Variants in ANGPT2 observed in about 807,000 individuals in gnomAD.
ANGPT2 encodes angiopoietin 2, also known as angiopoietin-2.
ANGPT2 carries 28 observed loss-of-function variants against 62.9 expected under a neutral mutation model. The ratio of observed to expected loss-of-function variants is 0.44; its 90% CI spans 0.33 to 0.61. ANGPT2 has a LOEUF of 0.61. ANGPT2 is among the 20% of genes least tolerant of loss of function. The pLI is 0.03. For synonymous variants in ANGPT2, 284 were observed against 207.8 expected, an observed-to-expected ratio of 1.37 and a Z score of -3.15; for missense variants, 727 against 594.9, an observed-to-expected ratio of 1.22 and a Z score of -2.31.
chr8:6,503,087 GT>G lies in ANGPT2; in HGVS notation c.*13del. The G allele has an allele frequency of 6.2e-7, 1 of 1,614,084 alleles. No individual in the cohort carries two copies. The highest frequency in any genetic ancestry group is 8.5e-7 in the Non-Finnish European group (1 of 1,179,968). On this transcript the variant is annotated 3_prime_UTR_variant, in exon 9 of 9. Coordinates refer to ENST00000629816, the MANE Select transcript of ANGPT2 (RefSeq NM_001118887.2). ...AAAATAGTTCGAGACAGTTCCTCAG[GT>G]GGACTGGGATGTTTAGAAATCTGCT...
At chr8:6,529,960 G>C (rs1167259514) in intron 2 of ANGPT2, among the ~76,000 whole-genome samples, 1 of 151,450 alleles carries the variant, frequency 6.6e-6, no homozygotes, top group African/African-American at 2.4e-5. Flanking sequence ...GATGTAGCAA[G>C]GTTTGCATTG....
chr8:6,504,221 G>A (rs181475991), intron 8 of ANGPT2, among the ~76,000 whole-genome samples: 13,713 of 150,636 alleles, frequency 0.091, 1,204 homozygotes, highest in African/African-American at 0.22. Context: ...GGGAGGCTGA[G>A]GCAGGAGAAT....
rs1255125970 is a variant in ANGPT2, at chr8:6,500,829, A to T, written c.*2272T>A. On this transcript the variant is annotated 3_prime_UTR_variant, in exon 9 of 9. Coordinates refer to ENST00000629816, the MANE Select transcript of ANGPT2 (RefSeq NM_001118887.2). ...CATTCTCGCTCATAAGAGATTATATATGATGCACAATGACATAATGAGATT... is the reference window on the plus strand; with the variant it reads ...CATTCTCGCTCATAAGAGATTATATTTGATGCACAATGACATAATGAGATT... 6.6e-6 allele frequency: 1 copy of T among 152,218 alleles called. No individual in the cohort carries two copies. The highest frequency in any genetic ancestry group is 1.5e-5 in the Non-Finnish European group (1 of 68,032). The allele number at this position is 152,218 out of a possible 1,614,324, so 9.4% of individuals were successfully genotyped here. A position where few individuals can be genotyped will look rare whatever the true frequency, so the allele number is the denominator to read the frequency against.
intron 8 of ANGPT2, among the ~76,000 whole-genome samples, chr8:6,506,525 C>A (rs927330451): frequency 4.6e-5 from 7 of 152,178 alleles, no homozygotes; most frequent in African/African-American, 1.7e-4. Context: ...ACACCCTTCT[C>A]AAGGAGAGAG....
rs1205638127 is a variant in ANGPT2, at chr8:6,513,776, T to A, written c.1098A>T (p.Gln366His). The A allele has an allele frequency of 7.4e-6, 12 of 1,613,980 alleles. No individual in the cohort carries two copies. The highest frequency in any genetic ancestry group is 1.0e-5 in the Non-Finnish European group (12 of 1,179,980). The change falls in exon 7 of 9, where the codon CAA (glutamine) becomes CAT (histidine). Residue 366 changes from glutamine (Q) to histidine (H), a missense_variant. Coordinates refer to ENST00000629816, the MANE Select transcript of ANGPT2 (RefSeq NM_001118887.2). The stretch of plus-strand genomic sequence containing the variant: ...TAAGGTGTATTTTAAGCACATAGCG[T>A]TGCTGATTAGTCAGTTGCGAAACAA... ...NEFVSQLTNQQRYVLKIHLKD... is the reference protein window; with the variant it reads ...NEFVSQLTNQHRYVLKIHLKD...
Position 6,499,893 on chromosome 8 carries a change from G to A in ANGPT2, c.*3208C>T, listed in dbSNP as rs749552509. On this transcript the variant is annotated 3_prime_UTR_variant, in exon 9 of 9. Coordinates refer to ENST00000629816, the MANE Select transcript of ANGPT2 (RefSeq NM_001118887.2). The stretch of plus-strand genomic sequence containing the variant: ...AATTGGGTCACTGGATTTCTGAGGA[G>A]CCGTTCGAACTGTCTCACCACTTCC... 1.9e-6 allele frequency: 3 copies of A among 1,613,616 alleles called. No homozygotes were observed. Among genetic ancestry groups the A allele is most frequent in the South Asian group, 1.1e-5 (1 of 91,062 alleles).
chr8:6,511,621 G>T (rs1212723513), intron 7 of ANGPT2, among the ~76,000 whole-genome samples: 2 of 152,112 alleles, frequency 1.3e-5, no homozygotes, highest in Non-Finnish European at 2.9e-5. Flanking sequence ...AGAAGTTTCA[G>T]TCCCTTCACA....
intron 2 of ANGPT2, 71 bp downstream of exon 2, chr8:6,532,261 A>G: frequency 3.2e-6 from 5 of 1,561,778 alleles, no homozygotes; most frequent in Non-Finnish European, 2.6e-6. Context: ...TTCATTGAGG[A>G]AGCTCCTGAC....
intron 1 of ANGPT2, among the ~76,000 whole-genome samples, chr8:6,539,626 T>G (rs2408341): frequency 0.57 from 87,065 of 152,044 alleles, 26,598 homozygotes; most frequent in Non-Finnish European, 0.68. Flanking sequence ...TCGCTCTGTC[T>G]CTCAGGCTGG....
Position 6,553,095 on chromosome 8 carries a change from C to T in ANGPT2, c.288+9552G>A, listed in dbSNP as rs80004066. ...TACAGCACCAGATGTCAACTGCGGG[C>T]TCTGGGTGATAATGATGGGTCAATG... On this transcript the variant is annotated intron_variant, in intron 1 of 8. Coordinates refer to ENST00000629816, the MANE Select transcript of ANGPT2 (RefSeq NM_001118887.2). Among the ~76,000 whole-genome samples, 34 of 152,194 alleles carry T rather than the reference C, an allele frequency of 2.2e-4. No individual in the cohort carries two copies. The East Asian group carries it at 6.4e-3, about 29-fold the overall frequency.
At position 6,500,090 on chromosome 8, in the gene ANGPT2, C is replaced by T. The variant is rs2242005; in HGVS notation, c.*3011G>A. 36,221 of 669,834 alleles carry T rather than the reference C, an allele frequency of 0.054. 1,747 individuals are homozygous for T. Among genetic ancestry groups the T allele is most frequent in the African/African-American group, 0.16 (8,766 of 55,760 alleles). The allele number at this position is 669,834 out of a possible 1,614,324, so 41.5% of individuals were successfully genotyped here. A position where few individuals can be genotyped will look rare whatever the true frequency, so the allele number is the denominator to read the frequency against. ...TTAACACCTTTTATCAATTTATTCG[C>T]GAGAACAAATGTGAGAACGTGAGAC... is the stretch of plus-strand genomic sequence containing the variant. On this transcript the variant is annotated 3_prime_UTR_variant, in exon 9 of 9. Transcript: ENST00000629816.
At chr8:6,527,285 C>T (rs2959814) in intron 3 of ANGPT2, among the ~76,000 whole-genome samples, 81,884 of 147,992 alleles carry the variant, frequency 0.55, 24,186 homozygotes, top group East Asian at 0.94. Context: ...GATTAGCATG[C>T]AGAATACTGA....
At chr8:6,531,863 C>T (rs547840148) in intron 2 of ANGPT2, among the ~76,000 whole-genome samples, 1 of 152,350 alleles carries the variant, frequency 6.6e-6, no homozygotes, top group East Asian at 1.9e-4. Flanking sequence ...TCTCCATAAA[C>T]TCATTCCACA....
chr8:6,519,180 C>T (rs1378651952), intron 5 of ANGPT2, among the ~76,000 whole-genome samples: 1 of 152,292 alleles, frequency 6.6e-6, no homozygotes, highest in East Asian at 1.9e-4. Flanking sequence ...GAATCGCCTT[C>T]CCCAGCGGTT....
At chr8:6,557,842 A>G (rs1824892076) in intron 1 of ANGPT2, among the ~76,000 whole-genome samples, 1 of 152,116 alleles carries the variant, frequency 6.6e-6, no homozygotes. Context: ...CATTGTATGC[A>G]TCCTCTAGAT....
intron 2 of ANGPT2, among the ~76,000 whole-genome samples, chr8:6,529,211 T>C (rs1226750699): frequency 6.6e-6 from 1 of 152,138 alleles, no homozygotes; most frequent in Non-Finnish European, 1.5e-5. Flanking sequence ...GACTGTAAAT[T>C]ACCCAGGCCA....
At chr8:6,547,181 A>T (rs1010779481) in intron 1 of ANGPT2, among the ~76,000 whole-genome samples, 7 of 152,054 alleles carry the variant, frequency 4.6e-5, no homozygotes, top group African/African-American at 1.7e-4. Flanking sequence ...ACTTGCTCTA[A>T]GGTGAACTAG....
chr8:6,511,781 A>T (rs896786547), intron 7 of ANGPT2, among the ~76,000 whole-genome samples: 1 of 152,240 alleles, frequency 6.6e-6, no homozygotes, highest in Non-Finnish European at 1.5e-5. Context: ...TCTAAAGGAA[A>T]TATCTGTTAA....
At chr8:6,525,342 G>T (rs940527526) in intron 3 of ANGPT2, among the ~76,000 whole-genome samples, 6 of 152,154 alleles carry the variant, frequency 3.9e-5, no homozygotes, top group African/African-American at 1.4e-4. Flanking sequence ...CGATCCACCT[G>T]CCTCAGCCAT....
Sources: allele counts gnomAD v4.1 joint callset (sites outside exome capture counted in the v4.1 genomes callset), GRCh38; gene constraint gnomAD v4.1.1; transcripts MANE v1.5; gene names NCBI Gene and HGNC (gene_info 2026-07-23, HGNC 2026-07-21).